The following CCL28 variants were observed in gnomAD, a reference collection of about 807,000 sequenced individuals.
The protein encoded by CCL28 is C-C motif chemokine ligand 28.
In CCL28, 4 loss-of-function variants were observed where a neutral mutation model predicts 7.1. The observed-to-expected ratio is 0.56, with a 90% CI of 0.28 to 1.29. The LOEUF (loss-of-function observed/expected upper bound fraction) is 1.29, where lower values mean the gene tolerates loss of function less well. Ranked by LOEUF, CCL28 falls within the 50% of genes most tolerant of loss-of-function variation. The pLI, the probability that CCL28 is intolerant of heterozygous loss-of-function variation, is 0.11. For missense variants in CCL28, 151 were observed against 163.4 expected, an observed-to-expected ratio of 0.92 and a Z score of 0.41; for synonymous variants, 55 against 57.8, an observed-to-expected ratio of 0.95 and a Z score of 0.22.
At position 43,381,292 on chromosome 5, in the gene CCL28, G is replaced by C. The variant is rs1456981998; in HGVS notation, c.*568C>G. On this transcript the variant is annotated 3_prime_UTR_variant, in exon 3 of 3. Transcript: ENST00000361115. Reference sequence around the variant, plus strand: ...ATTGTACCATTCTTTTAACTTCTCTGTAAGTTTGGAAAACTATAATTAAAA... The same window carrying C: ...ATTGTACCATTCTTTTAACTTCTCTCTAAGTTTGGAAAACTATAATTAAAA... 1 of 152,096 alleles carries C rather than the reference G, an allele frequency of 6.6e-6. No individual in the cohort carries two copies. Among genetic ancestry groups the C allele is most frequent in the Non-Finnish European group, 1.5e-5 (1 of 68,014 alleles). 9.4% of individuals were successfully genotyped at this position (152,096 alleles called of 1,614,324 possible). A position where few individuals can be genotyped will look rare whatever the true frequency, so the allele number is the denominator to read the frequency against.
At chr5:43,366,462 T>A in the CCL28 span, among the ~76,000 whole-genome samples, 3 of 152,034 alleles carry the variant, frequency 2.0e-5, no homozygotes, top group Admixed American at 1.3e-4. Flanking sequence ...GAGGTCCACT[T>A]CAGACCCTGT....
At chr5:43,364,386 ATT>A in the CCL28 span, among the ~76,000 whole-genome samples, 2 of 152,012 alleles carry the variant, frequency 1.3e-5, no homozygotes, top group Admixed American at 1.3e-4. Flanking sequence ...ATGCCACTGT[ATT>A]TTTTTGAGTA....
intron 2 of CCL28, among the ~76,000 whole-genome samples, chr5:43,387,467 G>T (rs1256542598): frequency 1.3e-5 from 2 of 152,216 alleles, no homozygotes; most frequent in Non-Finnish European, 2.9e-5. Flanking sequence ...CTGAGCCAGG[G>T]GCAGGGGTGG....
the CCL28 span, among the ~76,000 whole-genome samples, chr5:43,370,511 G>A: frequency 6.6e-6 from 1 of 151,910 alleles, no homozygotes; most frequent in Non-Finnish European, 1.5e-5. Flanking sequence ...AGGAATTTAT[G>A]GCACCTGGGT....
the CCL28 span, among the ~76,000 whole-genome samples, chr5:43,367,464 C>A: frequency 6.6e-6 from 1 of 152,208 alleles, no homozygotes; most frequent in Admixed American, 6.5e-5. Context: ...CAGTCCCTCA[C>A]GGCTTCCCTT....
At chr5:43,393,332 C>G (rs1441284249) in intron 1 of CCL28, among the ~76,000 whole-genome samples, 1 of 151,596 alleles carries the variant, frequency 6.6e-6, no homozygotes, top group Non-Finnish European at 1.5e-5. Flanking sequence ...CCACCACACC[C>G]ATCCCTTTCT....
At chr5:43,401,255 A>G (rs191728875) in intron 1 of CCL28, among the ~76,000 whole-genome samples, 1 of 152,306 alleles carries the variant, frequency 6.6e-6, no homozygotes, top group African/African-American at 2.4e-5. Context: ...TCACTAATCC[A>G]TGATATATGG....
Position 43,412,378 on chromosome 5 carries a change from G to A in CCL28, c.-62C>T. On this transcript the variant is annotated 5_prime_UTR_variant, in exon 1 of 3. Coordinates refer to ENST00000361115, the MANE Select transcript of CCL28 (RefSeq NM_148672.3). ...TGAGGCTGTTCGATCAGGAAATGAG[G>A]CTAAAGGTGTCCTTGGGCACAGAGA... 1 of 1,480,706 alleles carries A rather than the reference G, an allele frequency of 6.8e-7. No individual in the cohort carries two copies. The highest frequency in any genetic ancestry group is 9.3e-7 in the Non-Finnish European group (1 of 1,071,390). The allele number at this position is 1,480,706 out of a possible 1,614,324, so 91.7% of individuals were successfully genotyped here.
At chr5:43,364,067 C>T in the CCL28 span, among the ~76,000 whole-genome samples, 1 of 152,212 alleles carries the variant, frequency 6.6e-6, no homozygotes, top group Non-Finnish European at 1.5e-5. Context: ...TGCTCAACTT[C>T]AGCAAAATCT....
At chr5:43,395,855 CTTTTTTTTTTTT>C (rs35785846) in intron 1 of CCL28, among the ~76,000 whole-genome samples, 1 of 94,234 alleles carries the variant, frequency 1.1e-5, no homozygotes, top group African/African-American at 4.2e-5. Context: ...TACCCCCCGC[CTTTTTTTTTTTT>C]TTTTTTTTTT....
chr5:43,363,645 C>T, the CCL28 span, among the ~76,000 whole-genome samples: 128 of 152,318 alleles, frequency 8.4e-4, 3 homozygotes, highest in South Asian at 0.026. Context: ...GTGAGTTTCC[C>T]TTTGTGGCAA....
At chr5:43,370,572 TCAGGATCTCC>T in the CCL28 span, among the ~76,000 whole-genome samples, 1 of 152,222 alleles carries the variant, frequency 6.6e-6, no homozygotes, top group South Asian at 2.1e-4. Flanking sequence ...CTCAAATGGA[TCAGGATCTCC>T]CTTCTCCTTC....
At chr5:43,405,602 C>A (rs546868549) in intron 1 of CCL28, among the ~76,000 whole-genome samples, 2 of 152,146 alleles carry the variant, frequency 1.3e-5, no homozygotes, top group South Asian at 4.2e-4. Context: ...GAAGCAAGAG[C>A]AAACACATTC....
the CCL28 span, among the ~76,000 whole-genome samples, chr5:43,368,586 C>T: frequency 6.6e-6 from 1 of 152,162 alleles, no homozygotes; most frequent in African/African-American, 2.4e-5. Context: ...AGTCCTAACC[C>T]CTACTACCTC....
chr5:43,393,925 C>A (rs566238450), intron 1 of CCL28, among the ~76,000 whole-genome samples: 2 of 152,192 alleles, frequency 1.3e-5, no homozygotes, highest in African/African-American at 4.8e-5. Flanking sequence ...GTTATTCTTT[C>A]TTCTGCTATG....
At chr5:43,377,664 T>C (rs1272546885), downstream of CCL28, among the ~76,000 whole-genome samples, 1 of 146,012 alleles carries the variant, frequency 6.8e-6, no homozygotes, top group African/African-American at 2.5e-5. Context: ...AGCAAAGAAA[T>C]GATACTTTAA....
chr5:43,396,589 A>G (rs1411860263), intron 1 of CCL28, among the ~76,000 whole-genome samples: 2 of 152,192 alleles, frequency 1.3e-5, no homozygotes, highest in African/African-American at 4.8e-5. Context: ...TAAAGAGGAA[A>G]CCACAAAATC....
At chr5:43,411,768 G>C (rs1316265181) in intron 1 of CCL28, among the ~76,000 whole-genome samples, 1 of 152,208 alleles carries the variant, frequency 6.6e-6, no homozygotes, top group East Asian at 1.9e-4. Context: ...TGAAGTTTCA[G>C]TTTTCTGTAT....
At chr5:43,408,292 T>C (rs1031489174) in intron 1 of CCL28, among the ~76,000 whole-genome samples, 6 of 152,188 alleles carry the variant, frequency 3.9e-5, no homozygotes, top group Admixed American at 1.3e-4. Context: ...ATATACACCA[T>C]GGAATACTAG....
Sources: allele counts gnomAD v4.1 joint callset (sites outside exome capture counted in the v4.1 genomes callset), GRCh38; gene constraint gnomAD v4.1.1; transcripts MANE v1.5; gene names NCBI Gene and HGNC (gene_info 2026-07-23, HGNC 2026-07-21).